The following TBC1D22A variants were observed in gnomAD, a reference collection of about 807,000 sequenced individuals.
The protein encoded by TBC1D22A is TBC1 domain family member 22A.
Under a neutral mutation model 60.2 loss-of-function variants are expected in TBC1D22A, and 38 were observed. That is an observed-to-expected ratio of 0.63 (90% CI 0.49 to 0.83). The LOEUF (loss-of-function observed/expected upper bound fraction) is 0.83. Ranked by LOEUF, TBC1D22A falls within the 40% of genes least tolerant of loss-of-function variation. The pLI is 0.00. For synonymous variants in TBC1D22A, 302 were observed against 281.7 expected (o/e 1.07, Z -0.72); for missense variants, 628 against 701.0 (o/e 0.90, Z 1.18).
intron 4 of TBC1D22A, among the ~76,000 whole-genome samples, chr22:46,852,360 C>T (rs912420346): frequency 1.4e-4 from 22 of 152,124 alleles, no homozygotes; most frequent in South Asian, 6.3e-4. Flanking sequence ...GCTGCGTGTG[C>T]CCCCCTGTCT....
At chr22:46,854,933 A>G (rs1021573263) in intron 4 of TBC1D22A, among the ~76,000 whole-genome samples, 8 of 152,254 alleles carry the variant, frequency 5.3e-5, no homozygotes, top group Non-Finnish European at 5.9e-5. Flanking sequence ...CTATTAAAAT[A>G]TATGATAAAA....
intron 7 of TBC1D22A, among the ~76,000 whole-genome samples, chr22:46,902,617 T>A (rs2069081396): frequency 6.6e-6 from 1 of 152,280 alleles, no homozygotes; most frequent in Admixed American, 6.5e-5. Context: ...AGAGCCCCGC[T>A]GTGTCCGCTA....
At chr22:47,100,513 GT>G (rs899796883) in intron 11 of TBC1D22A, among the ~76,000 whole-genome samples, 1 of 152,126 alleles carries the variant, frequency 6.6e-6, no homozygotes, top group African/African-American at 2.4e-5. Context: ...ACTCCCACAT[GT>G]TGTGGGAGGT....
intron 7 of TBC1D22A, among the ~76,000 whole-genome samples, chr22:46,906,027 T>C (rs12159809): frequency 0.013 from 1,913 of 152,196 alleles, 38 homozygotes; most frequent in African/African-American, 0.043. Context: ...CAGGTGGGGC[T>C]CACATTAGCC....
intron 4 of TBC1D22A, among the ~76,000 whole-genome samples, chr22:46,864,415 A>AGGGAAACCAGTTTCCCTCCT (rs2066954710): frequency 6.6e-6 from 1 of 152,200 alleles, no homozygotes; most frequent in African/African-American, 2.4e-5. Flanking sequence ...TCACATGATC[A>AGGGAAACCAGTTTCCCTCCT]GGGAAACCAG....
At position 47,131,888 on chromosome 22, in the gene TBC1D22A, G is replaced by T. The variant is rs563444828; in HGVS notation, c.1425+20285G>T. Among the ~76,000 whole-genome samples the T allele has an allele frequency of 2.6e-5, 4 of 152,326 alleles. No individual in the cohort carries two copies. The South Asian group carries it at 8.3e-4, about 32-fold the overall frequency. On this transcript the variant is annotated intron_variant, in intron 12 of 12. Coordinates refer to ENST00000337137, the MANE Select transcript of TBC1D22A (RefSeq NM_014346.5). ...CCCGTCCAAGCCCAGCTGTGCTTGG[G>T]GCTTATCCCAGCCTGTCTGTGGAGC...
At chr22:47,119,138 T>A (rs2066179273) in intron 12 of TBC1D22A, among the ~76,000 whole-genome samples, 1 of 152,156 alleles carries the variant, frequency 6.6e-6, no homozygotes, top group South Asian at 2.1e-4. Context: ...ACAGCAAGAC[T>A]CCATCTCAAA....
At chr22:46,792,608 C>T (rs746204620) in intron 2 of TBC1D22A, 32 bp downstream of exon 2, 14 of 1,614,124 alleles carry the variant, frequency 8.7e-6, no homozygotes, top group Admixed American at 3.3e-5. Flanking sequence ...CTTGGCGTCT[C>T]GGCTCTGATA....
chr22:47,163,346 C>T (rs568871067), intron 12 of TBC1D22A, among the ~76,000 whole-genome samples: 1 of 152,256 alleles, frequency 6.6e-6, no homozygotes, highest in Non-Finnish European at 1.5e-5. Flanking sequence ...TGCTTGCCCT[C>T]TCCCCATAAT....
chr22:46,968,635 A>G lies in TBC1D22A; in HGVS notation c.1016-5655A>G, dbSNP rs551201648. On this transcript the variant is annotated intron_variant, in intron 8 of 12. Coordinates refer to ENST00000337137, the MANE Select transcript of TBC1D22A (RefSeq NM_014346.5). Reference sequence around the variant, plus strand: ...GCGTGGCCGGCGGTCCTGAGTGGGCAGGCGTCCTCACTGCGTAGCCGGCGG... The same window carrying G: ...GCGTGGCCGGCGGTCCTGAGTGGGCGGGCGTCCTCACTGCGTAGCCGGCGG... 2.2e-3 allele frequency among the ~76,000 whole-genome samples: 323 copies of G among 149,848 alleles called. 1 individual carries two copies. Among genetic ancestry groups the G allele is most frequent in the African/African-American group, 5.2e-3 (212 of 40,532 alleles).
At chr22:46,938,761 T>G (rs1033306175) in intron 8 of TBC1D22A, among the ~76,000 whole-genome samples, 5 of 151,988 alleles carry the variant, frequency 3.3e-5, no homozygotes, top group African/African-American at 1.2e-4. Flanking sequence ...AATTTTTGTA[T>G]TTTTAGTAGA....
chr22:47,125,704 A>C (rs1395439226), intron 12 of TBC1D22A, among the ~76,000 whole-genome samples: 1 of 152,220 alleles, frequency 6.6e-6, no homozygotes, highest in Non-Finnish European at 1.5e-5. Context: ...GGCTCAACTA[A>C]GGCAAGAGAA....
At chr22:47,061,260 C>T (rs1381485122) in intron 11 of TBC1D22A, among the ~76,000 whole-genome samples, 1 of 152,172 alleles carries the variant, frequency 6.6e-6, no homozygotes, top group East Asian at 1.9e-4. Context: ...GGTGCCCTCA[C>T]CACCGTTCTC....
intron 12 of TBC1D22A, among the ~76,000 whole-genome samples, chr22:47,122,070 A>T (rs754717542): frequency 2.6e-5 from 4 of 152,216 alleles, no homozygotes; most frequent in African/African-American, 9.6e-5. Context: ...CCCTCAAGGC[A>T]AGAGGCGTGC....
chr22:46,794,485 G>A (rs1359599787), intron 3 of TBC1D22A, among the ~76,000 whole-genome samples: 1 of 152,210 alleles, frequency 6.6e-6, no homozygotes, highest in Non-Finnish European at 1.5e-5. Context: ...TGTGTTGCAG[G>A]CCATCACGTC....
rs2074204734 is a variant in TBC1D22A at position 46,974,378 on chromosome 22, C to T, written c.1104C>T (p.Ser368=). 2 of 1,611,420 alleles carry T rather than the reference C, an allele frequency of 1.2e-6. No individual in the cohort carries two copies. Among genetic ancestry groups the T allele is most frequent in the Non-Finnish European group, 1.7e-6 (2 of 1,179,040 alleles). ...NIEADTYWCM[S]KLLDGIQDNY... ...AGGCCGACACCTACTGGTGCATGAG[C>T]AAGCTGCTGGATGGCATTCAGGTGA... The change falls in exon 9 of 13, where the codon AGC becomes AGT. Residue 368 remains serine (S), a synonymous_variant. Transcript: ENST00000337137.
chr22:46,934,103 A>C (rs1215147980), intron 8 of TBC1D22A, among the ~76,000 whole-genome samples: 1 of 152,188 alleles, frequency 6.6e-6, no homozygotes, highest in Non-Finnish European at 1.5e-5. Context: ...AGGCTTTTTG[A>C]CCCAGTGAAT....
intron 12 of TBC1D22A, among the ~76,000 whole-genome samples, chr22:47,123,540 A>C (rs73887402): frequency 2.0e-5 from 3 of 152,208 alleles, no homozygotes; most frequent in East Asian, 3.9e-4. Flanking sequence ...TCAGGCCTCA[A>C]CCTGCCCATT....
At chr22:47,127,650 C>T (rs1050500737) in intron 12 of TBC1D22A, among the ~76,000 whole-genome samples, 1 of 152,050 alleles carries the variant, frequency 6.6e-6, no homozygotes, top group African/African-American at 2.4e-5. Context: ...AAGGCGGCCC[C>T]GTTCCTGTGT....
Sources: gnomAD v4.1 joint callset for allele counts (sites outside exome capture counted in the v4.1 genomes callset) on GRCh38, gnomAD v4.1.1 for gene constraint, MANE v1.5 for transcripts, NCBI Gene and HGNC (gene_info 2026-07-23, HGNC 2026-07-21) for gene names.